The following GALNT13 variants were observed in gnomAD, a reference collection of about 807,000 sequenced individuals.
The protein encoded by GALNT13 is polypeptide N-acetylgalactosaminyltransferase 13.
Under a neutral mutation model 64.2 loss-of-function variants are expected in GALNT13, and 28 were observed. The ratio of observed to expected loss-of-function variants is 0.44; its 90% CI spans 0.32 to 0.60. The LOEUF (loss-of-function observed/expected upper bound fraction) is 0.60. GALNT13 is among the 20% of genes least tolerant of loss of function. The pLI is 0.05. For missense variants in GALNT13, 577 were observed against 669.8 expected (o/e 0.86, Z 1.53); for synonymous variants, 214 against 224.6 (o/e 0.95, Z 0.42).
chr2:153,910,247 T>C (rs1688849049), intron 2 of GALNT13, among the ~76,000 whole-genome samples: 1 of 152,142 alleles, frequency 6.6e-6, no homozygotes, highest in Admixed American at 6.6e-5. Flanking sequence ...TAGTAGTCTC[T>C]GATGGTTATA....
At chr2:154,246,657 T>G (rs1251172053) in intron 7 of GALNT13, among the ~76,000 whole-genome samples, 2 of 152,200 alleles carry the variant, frequency 1.3e-5, no homozygotes, top group African/African-American at 2.4e-5. Context: ...AAAAATCGAT[T>G]TCCTGAAAAA....
chr2:153,981,218 G>GT lies in GALNT13; in HGVS notation c.142+36586dup, dbSNP rs550753902. Among the ~76,000 whole-genome samples, 332 of 151,950 alleles carry GT rather than the reference G, an allele frequency of 2.2e-3. 1 individual carries two copies. The highest frequency in any genetic ancestry group is 7.1e-3 in the African/African-American group (295 of 41,468). On this transcript the variant is annotated intron_variant, in intron 3 of 12. Coordinates refer to ENST00000392825, the MANE Select transcript of GALNT13 (RefSeq NM_052917.4). ...ATCCTTGTGATATTTTAGAAATATA[G>GT]TTTTTTTATTATACTTTAAGTTCTA...
the GALNT13 span, among the ~76,000 whole-genome samples, chr2:153,836,087 G>A: frequency 6.6e-6 from 1 of 151,856 alleles, no homozygotes. Flanking sequence ...ATCCCAAATT[G>A]GCAAATTACC....
At chr2:154,161,397 C>A (rs1319939957) in intron 4 of GALNT13, among the ~76,000 whole-genome samples, 1 of 151,864 alleles carries the variant, frequency 6.6e-6, no homozygotes. Context: ...AAATGTGAGT[C>A]CCACACTGGT....
At chr2:153,651,560 A>G in the GALNT13 span, among the ~76,000 whole-genome samples, 11 of 152,192 alleles carry the variant, frequency 7.2e-5, no homozygotes, top group African/African-American at 2.7e-4. Flanking sequence ...TATCATTCCT[A>G]AGTATACTTG....
rs1400802177 is a variant in GALNT13, at chr2:154,451,511, A to G, written c.*960A>G. On this transcript the variant is annotated 3_prime_UTR_variant, in exon 13 of 13. Coordinates refer to ENST00000392825, the MANE Select transcript of GALNT13 (RefSeq NM_052917.4). ...AGATTTTAGTTAGGTTACCACTGTCATTTTCATTTTCTATGTTAAAGAATA... is the reference window on the plus strand; with the variant it reads ...AGATTTTAGTTAGGTTACCACTGTCGTTTTCATTTTCTATGTTAAAGAATA... 6.6e-6 allele frequency: 1 copy of G among 152,016 alleles called. No homozygotes were observed. Among genetic ancestry groups the G allele is most frequent in the Non-Finnish European group, 1.5e-5 (1 of 67,994 alleles). 9.4% of individuals were successfully genotyped at this position (152,016 alleles called of 1,614,324 possible).
chr2:153,322,424 C>A, the GALNT13 span, among the ~76,000 whole-genome samples: 1 of 152,102 alleles, frequency 6.6e-6, no homozygotes, highest in East Asian at 1.9e-4. Flanking sequence ...TGATGGAAAC[C>A]TAGATAGATT....
the GALNT13 span, among the ~76,000 whole-genome samples, chr2:153,244,898 A>C: frequency 6.6e-6 from 1 of 152,214 alleles, no homozygotes; most frequent in Non-Finnish European, 1.5e-5. Context: ...TCTCACTGCC[A>C]GCAGAAGTCT....
chr2:154,363,262 C>T lies in GALNT13; in HGVS notation c.1157-32729C>T, dbSNP rs145822232. Among the ~76,000 whole-genome samples the T allele has an allele frequency of 7.7e-4, 118 of 152,318 alleles. 1 individual carries two copies. The Middle Eastern group carries it at 0.024, about 31-fold the overall frequency. On this transcript the variant is annotated intron_variant, in intron 9 of 12. Coordinates refer to ENST00000392825, the MANE Select transcript of GALNT13 (RefSeq NM_052917.4). ...ATCACTACTCTTTCATCTTCTCTGC[C>T]TTCCCAGTATGGCTTAGATATTCTC...
intron 11 of GALNT13, among the ~76,000 whole-genome samples, chr2:154,411,897 G>T (rs1446556847): frequency 6.6e-6 from 1 of 151,512 alleles, no homozygotes; most frequent in Non-Finnish European, 1.5e-5. Context: ...GATATTGATT[G>T]TCCATAAAAT....
At chr2:154,218,351 C>G (rs1385042112) in intron 4 of GALNT13, among the ~76,000 whole-genome samples, 1 of 152,086 alleles carries the variant, frequency 6.6e-6, no homozygotes, top group African/African-American at 2.4e-5. Context: ...GACTCTTGGC[C>G]TGTGAACATT....
At chr2:153,644,513 T>C in the GALNT13 span, among the ~76,000 whole-genome samples, 1 of 152,030 alleles carries the variant, frequency 6.6e-6, no homozygotes, top group Non-Finnish European at 1.5e-5. Context: ...GCAGTACTAG[T>C]AGAGGGATCT....
the GALNT13 span, among the ~76,000 whole-genome samples, chr2:153,340,455 G>C: frequency 1.3e-5 from 2 of 151,978 alleles, no homozygotes; most frequent in African/African-American, 4.8e-5. Flanking sequence ...AGGAGTTCGA[G>C]GCCAGCCTGG....
chr2:153,634,859 A>T, the GALNT13 span, among the ~76,000 whole-genome samples: 1 of 151,538 alleles, frequency 6.6e-6, no homozygotes, highest in African/African-American at 2.4e-5. Context: ...GAAAATCTTT[A>T]CTGAGCACAA....
rs1487434930 is a variant in GALNT13 at position 154,123,977 on chromosome 2, G to C, written c.143-16360G>C. ...GTATATACATTTGTCTAAACTCATT[G>C]AACTGCAAACAAAAAATATTTTTTA... On this transcript the variant is annotated intron_variant, in intron 3 of 12. Coordinates refer to ENST00000392825, the MANE Select transcript of GALNT13 (RefSeq NM_052917.4). Among the ~76,000 whole-genome samples, 5 of 152,052 alleles carry C rather than the reference G, an allele frequency of 3.3e-5. No homozygotes were observed. The East Asian group carries it at 9.6e-4, about 29-fold the overall frequency.
rs1450308010 is a variant in GALNT13, at chr2:153,884,785, A to ATATATATATATATG, written c.-177+12483_-177+12484insATATATATATATGT. Among the ~76,000 whole-genome samples, 387 of 122,488 alleles carry ATATATATATATATG rather than the reference A, an allele frequency of 3.2e-3. 8 individuals carry two copies. Among genetic ancestry groups the ATATATATATATATG allele is most frequent in the African/African-American group, 0.012 (348 of 28,596 alleles). The allele number at this position is 122,488 out of a possible 152,430, so 80.4% of individuals were successfully genotyped here. A position where few individuals can be genotyped will look rare whatever the true frequency, so the allele number is the denominator to read the frequency against. ...AATACGAATATATATATATATATAT[A>ATATATATATATATG]TGTGTGTGTATATATATATATGTGT... On this transcript the variant is annotated intron_variant, in intron 1 of 12. Transcript: ENST00000392825.
intron 9 of GALNT13, among the ~76,000 whole-genome samples, chr2:154,365,586 A>G (rs1161253084): frequency 1.3e-5 from 2 of 152,210 alleles, no homozygotes; most frequent in Non-Finnish European, 2.9e-5. Context: ...TATCTATTTC[A>G]TAAAGTAAGG....
the GALNT13 span, among the ~76,000 whole-genome samples, chr2:153,845,615 T>C: frequency 2.6e-5 from 4 of 152,176 alleles, no homozygotes; most frequent in Non-Finnish European, 4.4e-5. Flanking sequence ...ATTTAAACTA[T>C]ATCAAGAGAC....
chr2:153,959,346 A>G (rs1692786333), intron 3 of GALNT13, among the ~76,000 whole-genome samples: 1 of 152,240 alleles, frequency 6.6e-6, no homozygotes, highest in Non-Finnish European at 1.5e-5. Flanking sequence ...CTGGCATCCC[A>G]GAGTCAACAC....
Sources: gnomAD v4.1 joint callset for allele counts (sites outside exome capture counted in the v4.1 genomes callset) on GRCh38, gnomAD v4.1.1 for gene constraint, MANE v1.5 for transcripts, NCBI Gene and HGNC (gene_info 2026-07-23, HGNC 2026-07-21) for gene names.